Variants in ANK1 observed in about 807,000 individuals in gnomAD.
ANK1 encodes ankyrin-1.
Under a neutral mutation model 210.4 loss-of-function variants are expected in ANK1, and 51 were observed. The ratio of observed to expected loss-of-function variants is 0.24; its 90% CI spans 0.19 to 0.31. The LOEUF (loss-of-function observed/expected upper bound fraction) is 0.31. Ranked by LOEUF, ANK1 falls within the 10% of genes least tolerant of loss-of-function variation. The probability of loss-of-function intolerance (pLI) is 1.00; values close to 1 mark genes in which losing one functional copy is unlikely to be tolerated. For missense variants in ANK1, 2,051 were observed against 2,504.4 expected, an observed-to-expected ratio of 0.82 and a Z score of 3.86; for synonymous variants, 967 against 1,025.9, an observed-to-expected ratio of 0.94 and a Z score of 1.10.
intron 1 of ANK1, among the ~76,000 whole-genome samples, chr8:41,839,674 C>A (rs530182984): frequency 6.6e-6 from 1 of 152,286 alleles, no homozygotes; most frequent in African/African-American, 2.4e-5. Flanking sequence ...ATGACAACCA[C>A]CTCAGCCAAA....
Position 41,839,411 on chromosome 8 carries a change from T to G in ANK1, c.126+56944A>C, listed in dbSNP as rs1362033163. On this transcript the variant is annotated intron_variant, in intron 1 of 42. Coordinates refer to the ANK1 transcript ENST00000265709. ...CCACTCTCCGCCCACTCATTACACCTGCCTAAGCTGCAGTGGGCTCAGAGG... is the reference window on the plus strand; with the variant it reads ...CCACTCTCCGCCCACTCATTACACCGGCCTAAGCTGCAGTGGGCTCAGAGG... Among the ~76,000 whole-genome samples the G allele has an allele frequency of 2.0e-5, 3 of 152,218 alleles. No homozygotes were observed. In the East Asian group the frequency reaches 5.8e-4, roughly 29 times the overall value.
At chr8:41,761,123 GCACA>G (rs35420752) in intron 1 of ANK1, among the ~76,000 whole-genome samples, 18 of 147,956 alleles carry the variant, frequency 1.2e-4, no homozygotes, top group East Asian at 4.0e-4. Context: ...AGACACACAT[GCACA>G]CACACACACA....
rs535667007 is a variant in ANK1, at chr8:41,763,146, G to A, written c.28-5009C>T. Among the ~76,000 whole-genome samples, 24 of 151,298 alleles carry A rather than the reference G, an allele frequency of 1.6e-4. No individual in the cohort carries two copies. The South Asian group carries it at 5.0e-3, about 32-fold the overall frequency. On this transcript the variant is annotated intron_variant, in intron 1 of 42. Transcript: ENST00000289734. ...CAGAAGAATCACTTGGACCTGGGAG[G>A]CAGTTTGCAGTGAGCTGAGATTGCG...
At chr8:41,688,990 A>T (rs1273437127) in intron 33 of ANK1, among the ~76,000 whole-genome samples, 1 of 152,204 alleles carries the variant, frequency 6.6e-6, no homozygotes, top group African/African-American at 2.4e-5. Context: ...TGAACTTAAA[A>T]TGATTGTTTT....
At chr8:41,773,198 G>C (rs1252982096) in intron 1 of ANK1, among the ~76,000 whole-genome samples, 3 of 152,118 alleles carry the variant, frequency 2.0e-5, no homozygotes, top group Admixed American at 1.3e-4. Flanking sequence ...TGGGCACCCG[G>C]CCTGGCTGGA....
At chr8:41,833,785 G>A (rs1010729715) in intron 1 of ANK1, among the ~76,000 whole-genome samples, 2 of 152,166 alleles carry the variant, frequency 1.3e-5, no homozygotes, top group African/African-American at 4.8e-5. Flanking sequence ...CAAGGAGGTC[G>A]TGTTCTAGGG....
intron 1 of ANK1, among the ~76,000 whole-genome samples, chr8:41,888,142 C>T (rs753260244): frequency 7.2e-5 from 11 of 152,344 alleles, no homozygotes; most frequent in South Asian, 6.2e-4. Context: ...TCTATGAGCT[C>T]TCTCCCTCTA....
chr8:41,703,422 G>GTGTATA (rs1286560913), intron 20 of ANK1, among the ~76,000 whole-genome samples: 11 of 53,756 alleles, frequency 2.0e-4, no homozygotes, highest in South Asian at 7.0e-4. Flanking sequence ...GTGTGTGTGT[G>GTGTATA]TATATATATA....
chr8:41,841,619 CCATG>C (rs1808919014), intron 1 of ANK1, among the ~76,000 whole-genome samples: 1 of 152,118 alleles, frequency 6.6e-6, no homozygotes, highest in South Asian at 2.1e-4. Flanking sequence ...GTATCTATTA[CCATG>C]ATGATAATGA....
chr8:41,857,304 A>T (rs1812375727), intron 1 of ANK1, among the ~76,000 whole-genome samples: 1 of 150,976 alleles, frequency 6.6e-6, no homozygotes, highest in Non-Finnish European at 1.5e-5. Flanking sequence ...CTCTGTCAAA[A>T]ATCCATCTAG....
chr8:41,830,274 A>G (rs988675296), intron 1 of ANK1, among the ~76,000 whole-genome samples: 2 of 150,416 alleles, frequency 1.3e-5, no homozygotes, highest in Non-Finnish European at 3.0e-5. Flanking sequence ...CTTTTCTTCA[A>G]AATACACACA....
intron 1 of ANK1, among the ~76,000 whole-genome samples, chr8:41,866,729 T>TA (rs1290708060): frequency 6.6e-6 from 1 of 152,222 alleles, no homozygotes; most frequent in African/African-American, 2.4e-5. Context: ...GTGACTGGCT[T>TA]ATTTCACTCA....
intron 1 of ANK1, among the ~76,000 whole-genome samples, chr8:41,876,353 G>A (rs1816610293): frequency 1.3e-5 from 2 of 152,204 alleles, no homozygotes; most frequent in South Asian, 4.1e-4. Flanking sequence ...CTCTGGCCGC[G>A]ACTCAGCAGC....
chr8:41,719,673 G>A lies in ANK1; in HGVS notation c.1095C>T (p.Asn365=). The A allele has an allele frequency of 6.2e-7, 1 of 1,614,240 alleles. No individual in the cohort carries two copies. Among genetic ancestry groups the A allele is most frequent in the South Asian group, 1.1e-5 (1 of 91,084 alleles). The stretch of plus-strand genomic sequence containing the variant: ...CACCCCCACTCACCAGGGCTCTGGA[G>A]TTGGGTTTGGCCCCTTTATCCAGAA... ...KVLLDKGAKP[N]SRALNGFTPL... is the part of the protein sequence containing the mutation. Residue 365 remains asparagine, a synonymous_variant, in exon 10 of 43, where the codon AAC becomes AAT. Coordinates refer to ENST00000289734, the MANE Select transcript of ANK1 (RefSeq NM_000037.4).
At position 41,768,638 on chromosome 8, in the gene ANK1, A is replaced by G. The variant is rs562465404; in HGVS notation, c.28-10501T>C. 1.6e-3 allele frequency among the ~76,000 whole-genome samples: 241 copies of G among 152,260 alleles called. 1 individual carries two copies. The highest frequency in any genetic ancestry group is 2.6e-3 in the Non-Finnish European group (174 of 68,000). On this transcript the variant is annotated intron_variant, in intron 1 of 42. Transcript: ENST00000289734. ...AAGCCCTGCCACTGGCCGCACCAGC[A>G]AGATTCCTAACAATAGTGTACTCAG... is the stretch of plus-strand genomic sequence containing the variant.
chr8:41,709,432 C>A (rs543251042), intron 16 of ANK1, among the ~76,000 whole-genome samples: 7 of 152,268 alleles, frequency 4.6e-5, no homozygotes, highest in South Asian at 2.1e-4. Flanking sequence ...AAGGGACATG[C>A]ACCTGGCAAG....
chr8:41,761,287 CAA>C (rs1840365088), intron 1 of ANK1, among the ~76,000 whole-genome samples: 1 of 150,862 alleles, frequency 6.6e-6, no homozygotes, highest in Admixed American at 6.6e-5. Context: ...ACATGCACAC[CAA>C]GAGATGCATA....
chr8:41,832,719 C>G (rs1170624611), intron 1 of ANK1, among the ~76,000 whole-genome samples: 2 of 152,224 alleles, frequency 1.3e-5, no homozygotes, highest in African/African-American at 4.8e-5. Context: ...AGAGGAAATA[C>G]AGGATACCCA....
chr8:41,721,454 C>T (rs535746095), intron 9 of ANK1, among the ~76,000 whole-genome samples: 13 of 152,148 alleles, frequency 8.5e-5, no homozygotes, highest in East Asian at 1.9e-4. Context: ...GCCAGGAGTT[C>T]GAGACCAGCC....
Sources: allele counts gnomAD v4.1 joint callset (sites outside exome capture counted in the v4.1 genomes callset), GRCh38; gene constraint gnomAD v4.1.1; transcripts MANE v1.5; gene names NCBI Gene and HGNC (gene_info 2026-07-23, HGNC 2026-07-21).